The following RANBP17 variants were observed in gnomAD, a reference collection of about 807,000 sequenced individuals.
RANBP17 encodes the protein RAN binding protein 17.
Under a neutral mutation model 141.2 loss-of-function variants are expected in RANBP17, and 158 were observed. The observed-to-expected ratio is 1.12, with a 90% CI of 0.98 to 1.28. The LOEUF is 1.28. RANBP17 is among the 50% of genes most tolerant of loss of function. RANBP17 has a pLI of 0.00. For missense variants in RANBP17, 1,438 were observed against 1,290.7 expected (o/e 1.11, Z -1.75); for synonymous variants, 430 against 450.0 (o/e 0.96, Z 0.56).
intron 14 of RANBP17, among the ~76,000 whole-genome samples, chr5:170,991,917 G>A: frequency 6.6e-6 from 1 of 151,942 alleles, no homozygotes; most frequent in East Asian, 1.9e-4. Context: ...TTCTAAATTT[G>A]TGTTGGAAAC....
At chr5:170,980,660 G>A (rs1420659553) in intron 14 of RANBP17, among the ~76,000 whole-genome samples, 2 of 152,170 alleles carry the variant, frequency 1.3e-5, no homozygotes, top group African/African-American at 2.4e-5. Flanking sequence ...ATTATAGTTG[G>A]GAACCTCCAC....
In RANBP17 at chr5:170,871,658, T is replaced by C. The variant is rs368057763; in HGVS notation, c.19-6439T>C. ...CTAGAGCTTTTATGGCTTTGGGTTT[T>C]GATTAAGTCTTTAATCCATCTTGAG... On this transcript the variant is annotated intron_variant, in intron 1 of 27. Coordinates refer to ENST00000523189, the MANE Select transcript of RANBP17 (RefSeq NM_022897.5). 4.1e-4 allele frequency among the ~76,000 whole-genome samples: 63 copies of C among 152,272 alleles called. 1 individual carries two copies. The South Asian group carries it at 0.013, about 31-fold the overall frequency.
intron 14 of RANBP17, among the ~76,000 whole-genome samples, chr5:171,092,195 A>C (rs1014041408): frequency 6.6e-6 from 1 of 152,200 alleles, no homozygotes; most frequent in Non-Finnish European, 1.5e-5. Flanking sequence ...CAAAGGAAAA[A>C]AATTTCCTTT....
chr5:171,255,702 G>C (rs1380604077), intron 24 of RANBP17, among the ~76,000 whole-genome samples: 1 of 152,136 alleles, frequency 6.6e-6, no homozygotes, highest in Admixed American at 6.5e-5. Context: ...GAAAATACAG[G>C]TATAGTAAGT....
intron 14 of RANBP17, among the ~76,000 whole-genome samples, chr5:171,040,543 C>T (rs1173410960): frequency 7.2e-5 from 11 of 151,958 alleles, no homozygotes; most frequent in Admixed American, 7.2e-4. Context: ...AGGTTGCTGA[C>T]AAGTGGAAAT....
intron 25 of RANBP17, among the ~76,000 whole-genome samples, chr5:171,278,526 C>T (rs927747256): frequency 2.6e-5 from 4 of 152,060 alleles, no homozygotes; most frequent in African/African-American, 4.8e-5. Context: ...AGATGCTGGT[C>T]AGCCACTAGT....
chr5:170,971,306 C>T (rs1283583675), intron 14 of RANBP17, among the ~76,000 whole-genome samples: 1 of 152,190 alleles, frequency 6.6e-6, no homozygotes, highest in Non-Finnish European at 1.5e-5. Flanking sequence ...TATTGAGCAA[C>T]AAGTCTGTGT....
At chr5:170,927,265 A>AAT (rs1554136160) in intron 12 of RANBP17, among the ~76,000 whole-genome samples, 10 of 151,974 alleles carry the variant, frequency 6.6e-5, no homozygotes, top group Admixed American at 1.3e-4. Context: ...TTCATAGGAC[A>AAT]ATATATATAT....
intron 14 of RANBP17, among the ~76,000 whole-genome samples, chr5:171,081,196 T>G (rs1225761836): frequency 2.0e-5 from 3 of 152,166 alleles, no homozygotes; most frequent in Non-Finnish European, 2.9e-5. Flanking sequence ...TTCTTGCCCT[T>G]GGTTCTATTT....
chr5:171,229,098 T>C (rs1764048726), intron 22 of RANBP17, among the ~76,000 whole-genome samples: 1 of 152,226 alleles, frequency 6.6e-6, no homozygotes, highest in Non-Finnish European at 1.5e-5. Context: ...TTGAAATAAC[T>C]AGAGAGTTAA....
intron 14 of RANBP17, among the ~76,000 whole-genome samples, chr5:171,091,100 T>C (rs2608099): frequency 0.69 from 105,488 of 152,036 alleles, 37,107 homozygotes; most frequent in South Asian, 0.91. Flanking sequence ...CAGCTTGCAC[T>C]GTGCATCTGG....
chr5:171,153,380 T>G (rs573617828), intron 14 of RANBP17, among the ~76,000 whole-genome samples: 2 of 152,364 alleles, frequency 1.3e-5, no homozygotes, highest in African/African-American at 2.4e-5. Flanking sequence ...TTTTTTTGTT[T>G]CATTTATTAT....
chr5:171,100,617 T>G (rs1029258925), intron 14 of RANBP17, among the ~76,000 whole-genome samples: 1 of 152,188 alleles, frequency 6.6e-6, no homozygotes, highest in African/African-American at 2.4e-5. Context: ...TGCTCTGATC[T>G]TAGTTATTTC....
chr5:170,975,932 A>T (rs1777337512), intron 14 of RANBP17, among the ~76,000 whole-genome samples: 1 of 151,980 alleles, frequency 6.6e-6, no homozygotes, highest in Non-Finnish European at 1.5e-5. Context: ...AAGCATGGCT[A>T]CTCCCTTCTC....
chr5:171,023,271 T>C (rs1373598500), intron 14 of RANBP17, among the ~76,000 whole-genome samples: 1 of 152,250 alleles, frequency 6.6e-6, no homozygotes, highest in African/African-American at 2.4e-5. Context: ...TCAATGGTAT[T>C]ACAGTACTTC....
At chr5:171,192,426 A>G (rs1761711309) in intron 18 of RANBP17, among the ~76,000 whole-genome samples, 1 of 152,100 alleles carries the variant, frequency 6.6e-6, no homozygotes, top group African/African-American at 2.4e-5. Flanking sequence ...CATGGATGAG[A>G]CTTTTAGGGT....
At chr5:171,126,780 T>G (rs1756501933) in intron 14 of RANBP17, among the ~76,000 whole-genome samples, 2 of 152,012 alleles carry the variant, frequency 1.3e-5, no homozygotes, top group Non-Finnish European at 2.9e-5. Flanking sequence ...CAAGAAAAAG[T>G]AGAAAACCTG....
intron 20 of RANBP17, among the ~76,000 whole-genome samples, chr5:171,211,211 T>C (rs765186579): frequency 1.3e-5 from 2 of 152,056 alleles, no homozygotes; most frequent in Non-Finnish European, 2.9e-5. Context: ...TGAAACCTTA[T>C]TCTCACATAT....
intron 2 of RANBP17, among the ~76,000 whole-genome samples, chr5:170,878,886 C>T (rs1386396305): frequency 6.6e-6 from 1 of 151,788 alleles, no homozygotes. Flanking sequence ...CTTTCTGGGC[C>T]AGGAGACAAA....
Sources: gnomAD v4.1 joint callset for allele counts (sites outside exome capture counted in the v4.1 genomes callset) on GRCh38, gnomAD v4.1.1 for gene constraint, MANE v1.5 for transcripts, NCBI Gene and HGNC (gene_info 2026-07-23, HGNC 2026-07-21) for gene names.